The following LRRC7 variants were observed in gnomAD, a reference collection of about 807,000 sequenced individuals.
LRRC7 encodes the protein leucine-rich repeat-containing protein 7.
LRRC7 carries 23 observed loss-of-function variants against 175.7 expected under a neutral mutation model. The observed-to-expected ratio is 0.13, with a 90% CI of 0.09 to 0.19. LRRC7 has a LOEUF of 0.19. Among genes scored for constraint, LRRC7 ranks in the 10% least tolerant of loss-of-function variants. The pLI is 1.00. For synonymous variants in LRRC7, 685 were observed against 680.9 expected (o/e 1.01, Z -0.09); for missense variants, 1,354 against 1,904.7 (o/e 0.71, Z 5.38).
At chr1:69,994,006 T>C (rs1376446757) in intron 10 of LRRC7, among the ~76,000 whole-genome samples, 1 of 152,124 alleles carries the variant, frequency 6.6e-6, no homozygotes, top group Non-Finnish European at 1.5e-5. Flanking sequence ...TTCTAAGTTT[T>C]TGTGCTTATT....
chr1:69,928,601 C>A (rs917060004), intron 7 of LRRC7, among the ~76,000 whole-genome samples: 1 of 152,226 alleles, frequency 6.6e-6, no homozygotes, highest in South Asian at 2.1e-4. Flanking sequence ...GGGCGTAGGA[C>A]CCTCCGAGCC....
At chr1:69,585,615 T>A (rs1267033241) in intron 1 of LRRC7, among the ~76,000 whole-genome samples, 1 of 152,208 alleles carries the variant, frequency 6.6e-6, no homozygotes, top group Non-Finnish European at 1.5e-5. Context: ...ATCATATGTA[T>A]AAGTATCTAT....
chr1:69,917,276 T>C (rs1475355572), intron 7 of LRRC7, among the ~76,000 whole-genome samples: 2 of 152,194 alleles, frequency 1.3e-5, no homozygotes, highest in African/African-American at 2.4e-5. Flanking sequence ...CTCCGTGACC[T>C]ACAGTAGAGA....
intron 2 of LRRC7, among the ~76,000 whole-genome samples, chr1:69,734,588 A>G (rs1222643423): frequency 1.3e-5 from 2 of 151,942 alleles, no homozygotes; most frequent in African/African-American, 2.4e-5. Context: ...CTCTATGGCT[A>G]AATTTTAAGT....
rs572207488 is a variant in LRRC7, at chr1:69,752,330, C to G, written c.101-7861C>G. Among the ~76,000 whole-genome samples, 442 of 152,208 alleles carry G rather than the reference C, an allele frequency of 2.9e-3. 2 individuals carry two copies. The highest frequency in any genetic ancestry group is 0.01 in the African/African-American group (417 of 41,534). On this transcript the variant is annotated intron_variant, in intron 2 of 26. Transcript: ENST00000651989. Reference sequence around the variant, plus strand: ...TTTGAAAAATGCAAGACTGTGCCAACTAATGAGGACAGCCAGGATATTTGT... The same window carrying G: ...TTTGAAAAATGCAAGACTGTGCCAAGTAATGAGGACAGCCAGGATATTTGT...
intron 8 of LRRC7, among the ~76,000 whole-genome samples, chr1:69,954,573 T>A (rs530084632): frequency 6.6e-6 from 1 of 152,132 alleles, no homozygotes; most frequent in East Asian, 1.9e-4. Context: ...AAGCATATGT[T>A]ATAAGCTAAA....
rs1268990867 is a variant in LRRC7, at chr1:70,143,297, A to C, written c.*21410A>C. The C allele has an allele frequency of 6.6e-6, 1 of 152,000 alleles. No homozygotes were observed. Among genetic ancestry groups the C allele is most frequent in the East Asian group, 1.9e-4 (1 of 5,186 alleles). The allele number at this position is 152,000 out of a possible 1,614,324, so 9.4% of individuals were successfully genotyped here. On this transcript the variant is annotated 3_prime_UTR_variant, in exon 27 of 27. Transcript: ENST00000651989. ...GTAACCAGAGCTCCTTTAGCCAGAG[A>C]AAGAACTTGAATTGGGATCTGATTT...
At chr1:70,078,726 A>G (rs1662964220) in intron 24 of LRRC7, among the ~76,000 whole-genome samples, 1 of 151,948 alleles carries the variant, frequency 6.6e-6, no homozygotes, top group African/African-American at 2.4e-5. Context: ...TCAAATGAGA[A>G]CATTGCTACC....
At chr1:69,684,403 G>A (rs965048433) in intron 2 of LRRC7, among the ~76,000 whole-genome samples, 3 of 152,060 alleles carry the variant, frequency 2.0e-5, no homozygotes, top group Non-Finnish European at 4.4e-5. Context: ...GGAAAGAAAG[G>A]CATAAGGAAA....
At chr1:69,685,377 A>G (rs994276646) in intron 2 of LRRC7, among the ~76,000 whole-genome samples, 3 of 152,172 alleles carry the variant, frequency 2.0e-5, no homozygotes, top group Admixed American at 2.0e-4. Context: ...GACAAAAGAC[A>G]ATCCACTGAC....
intron 7 of LRRC7, chr1:69,919,654 CT>C: frequency 1.1e-6 from 1 of 897,250 alleles, no homozygotes. Flanking sequence ...GAGAGAAGGA[CT>C]TTGAGTCTCC....
intron 7 of LRRC7, among the ~76,000 whole-genome samples, chr1:69,923,307 A>G (rs1489797460): frequency 1.3e-5 from 2 of 152,162 alleles, no homozygotes; most frequent in Non-Finnish European, 1.5e-5. Context: ...TAGCAGCATG[A>G]TTTATATTCC....
At position 70,084,456 on chromosome 1, in the gene LRRC7, A is replaced by G. The variant is rs564261977; in HGVS notation, c.4453-5271A>G. Among the ~76,000 whole-genome samples, 3 of 152,308 alleles carry G rather than the reference A, an allele frequency of 2.0e-5. No individual in the cohort carries two copies. In the South Asian group the frequency reaches 6.2e-4, roughly 32 times the overall value. Reference sequence around the variant, plus strand: ...TTGCTCCTTTCACTTAGCATAAGGAACTGAATGTAGCATGTATCAGTATTT... The same window carrying G: ...TTGCTCCTTTCACTTAGCATAAGGAGCTGAATGTAGCATGTATCAGTATTT... On this transcript the variant is annotated intron_variant, in intron 24 of 26. Transcript: ENST00000651989.
intron 21 of LRRC7, among the ~76,000 whole-genome samples, chr1:70,043,473 G>A (rs1040595201): frequency 2.0e-5 from 3 of 152,154 alleles, no homozygotes; most frequent in Non-Finnish European, 4.4e-5. Flanking sequence ...GAAGGAGACT[G>A]ATTTTGGCTT....
chr1:69,863,953 A>T (rs1184702803), intron 7 of LRRC7, among the ~76,000 whole-genome samples: 2 of 151,918 alleles, frequency 1.3e-5, no homozygotes, highest in African/African-American at 2.4e-5. Context: ...TTCTCTCCTC[A>T]TGCTGTATGC....
At chr1:69,940,986 C>G (rs1648647804) in intron 8 of LRRC7, among the ~76,000 whole-genome samples, 1 of 152,002 alleles carries the variant, frequency 6.6e-6, no homozygotes. Flanking sequence ...GTTAGTCTGG[C>G]TGGGTAAGCT....
intron 3 of LRRC7, among the ~76,000 whole-genome samples, chr1:69,778,514 G>C (rs1028337924): frequency 6.6e-6 from 1 of 152,190 alleles, no homozygotes; most frequent in Non-Finnish European, 1.5e-5. Context: ...AAACACAGTA[G>C]AGAGACAACC....
At chr1:69,852,711 C>T (rs1275880282) in intron 7 of LRRC7, among the ~76,000 whole-genome samples, 1 of 152,004 alleles carries the variant, frequency 6.6e-6, no homozygotes, top group Non-Finnish European at 1.5e-5. Context: ...AACATATTAT[C>T]AATTTTAATT....
At chr1:69,604,785 G>T (rs568150114) in intron 1 of LRRC7, among the ~76,000 whole-genome samples, 1 of 152,000 alleles carries the variant, frequency 6.6e-6, no homozygotes, top group Non-Finnish European at 1.5e-5. Flanking sequence ...TTCTTGCCAC[G>T]TTAAGATTTG....
Sources: gnomAD v4.1 joint callset for allele counts (sites outside exome capture counted in the v4.1 genomes callset) on GRCh38, gnomAD v4.1.1 for gene constraint, MANE v1.5 for transcripts, NCBI Gene and HGNC (gene_info 2026-07-23, HGNC 2026-07-21) for gene names.